Variants in GGT7 observed in about 807,000 individuals in gnomAD.
GGT7 encodes glutathione hydrolase 7.
GGT7 carries 30 observed loss-of-function variants against 69.2 expected under a neutral mutation model. That is an observed-to-expected ratio of 0.43 (90% CI 0.32 to 0.59). GGT7 has a LOEUF of 0.59. Ranked by LOEUF, GGT7 falls within the 20% of genes least tolerant of loss-of-function variation. The pLI is 0.05. For missense variants in GGT7, 733 were observed against 901.1 expected, an observed-to-expected ratio of 0.81 and a Z score of 2.39; for synonymous variants, 388 against 391.8, an observed-to-expected ratio of 0.99 and a Z score of 0.12.
chr20:34,859,039 G>A (rs2079538750), intron 7 of GGT7, among the ~76,000 whole-genome samples: 1 of 152,050 alleles, frequency 6.6e-6, no homozygotes, highest in East Asian at 1.9e-4. Context: ...GTGTGGTGGT[G>A]CACACCTGTA....
At chr20:34,858,416 A>G (rs559490272) in intron 7 of GGT7, among the ~76,000 whole-genome samples, 2 of 152,346 alleles carry the variant, frequency 1.3e-5, no homozygotes, top group Admixed American at 6.5e-5. Context: ...CGCCACATCC[A>G]GTGCCCAGCA....
chr20:34,845,393 T>C lies in GGT7; in HGVS notation c.1924A>G (p.Asn642Asp). 1 of 1,614,208 alleles carries C rather than the reference T, an allele frequency of 6.2e-7. No individual in the cohort carries two copies. The change falls in exon 15 of 15, where the codon AAC becomes GAC. Residue 642 changes from asparagine to aspartate, a missense_variant. By Grantham distance (23) the Asn-to-Asp change is conservative. Coordinates refer to ENST00000336431, the MANE Select transcript of GGT7 (RefSeq NM_178026.3). ...LSWVHGSRRT[N>D]NFIIAVKDPR... Reference sequence around the variant, plus strand: ...TCCTTAACAGCGATGATGAAGTTGTTGGTCCTTCGGCTGCCATGGACCCAG... The same window carrying C: ...TCCTTAACAGCGATGATGAAGTTGTCGGTCCTTCGGCTGCCATGGACCCAG...
Position 34,860,316 on chromosome 20 carries a change from C to T in GGT7, c.681G>A (p.Gly227=). 6.2e-7 allele frequency: 1 copy of T among 1,613,508 alleles called. No homozygotes were observed. Among genetic ancestry groups the T allele is most frequent in the Non-Finnish European group, 8.5e-7 (1 of 1,179,688 alleles). ...TLQRSWETKP[G]LLVGVPGMVK... ...CCATTCCGGGAACCCCCACCAAGAGCCCAGGCTGGGCAAGGCGGGTAGGCG... is the reference window on the plus strand; with the variant it reads ...CCATTCCGGGAACCCCCACCAAGAGTCCAGGCTGGGCAAGGCGGGTAGGCG... Residue 227 remains glycine, a synonymous_variant, in exon 5 of 15, where the codon GGG becomes GGA. Coordinates refer to ENST00000336431, the MANE Select transcript of GGT7 (RefSeq NM_178026.3).
At position 34,851,315 on chromosome 20, in the gene GGT7, C is replaced by G. The variant is rs1485618683; in HGVS notation, c.1641G>C (p.Val547=). 6.2e-7 allele frequency: 1 copy of G among 1,614,004 alleles called. No homozygotes were observed. Among genetic ancestry groups the G allele is most frequent in the African/African-American group, 1.3e-5 (1 of 75,082 alleles). The change falls in exon 13 of 15, where the codon GTG becomes GTC. Residue 547 remains valine (V), a synonymous_variant. Transcript: ENST00000336431. ...KRPLSFLLPT[V]VRPAEGLCGT... is the part of the protein sequence containing the mutation. Reference sequence around the variant, plus strand: ...CACAGAGCCCCTCCGCGGGTCGGACCACTGTGGGCAGCAGGAAAGAGAGTG... The same window carrying G: ...CACAGAGCCCCTCCGCGGGTCGGACGACTGTGGGCAGCAGGAAAGAGAGTG...
chr20:34,862,255 C>T (rs1423995612), intron 3 of GGT7, among the ~76,000 whole-genome samples: 4 of 152,162 alleles, frequency 2.6e-5, no homozygotes, highest in South Asian at 2.1e-4. Context: ...AAGTTGTTAT[C>T]GGATTTCCCG....
Position 34,863,285 on chromosome 20 carries a change from C to A in GGT7, c.405+28G>T. On this transcript the variant is annotated intron_variant, in intron 2 of 14. Coordinates refer to ENST00000336431, the MANE Select transcript of GGT7 (RefSeq NM_178026.3). This position sits in a 1 kb window ranked among gnomAD's most constrained non-coding sequence, Gnocchi z 4.4. The stretch of plus-strand genomic sequence containing the variant: ...TACCCCACTCCCCACTCCCCAGTTT[C>A]CTCCCCCTCCCCATTTGTCCCCCTC... 5 of 1,478,488 alleles carry A rather than the reference C, an allele frequency of 3.4e-6. No homozygotes were observed. Among genetic ancestry groups the A allele is most frequent in the Non-Finnish European group, 3.8e-6 (4 of 1,063,956 alleles). The allele number at this position is 1,478,488 out of a possible 1,614,324, so 91.6% of individuals were successfully genotyped here.
At chr20:34,861,743 C>A (rs1159124463) in intron 3 of GGT7, among the ~76,000 whole-genome samples, 181 bp from the exon 4 acceptor site, 1 of 152,134 alleles carries the variant, frequency 6.6e-6, no homozygotes, top group African/African-American at 2.4e-5. Context: ...AGGATGGGAG[C>A]AAAACCAAGA....
intron 14 of GGT7, among the ~76,000 whole-genome samples, chr20:34,848,969 G>C (rs1363913801): frequency 6.6e-6 from 1 of 152,124 alleles, no homozygotes; most frequent in Non-Finnish European, 1.5e-5. Context: ...TTAGAGGAAA[G>C]TCCGTCTCCT....
rs372009880 is a variant in GGT7, at chr20:34,859,675, C to T, written c.818-36G>A. The T allele has an allele frequency of 7.5e-5, 113 of 1,514,212 alleles. No individual in the cohort carries two copies. The South Asian group carries it at 7.7e-4, about 10-fold the overall frequency. The allele number at this position is 1,514,212 out of a possible 1,614,324, so 93.8% of individuals were successfully genotyped here. ...GGACGGGAGGCTGGGCAGGGCGGGA[C>T]GCCAGGACTGGACCGGATGAGACGC... On this transcript the variant is annotated intron_variant, in intron 6 of 14. Transcript: ENST00000336431.
In GGT7 at chr20:34,845,112, TCACCACCACCAC is replaced by T. The variant is rs79530197; in HGVS notation, c.*204_*215del. On this transcript the variant is annotated 3_prime_UTR_variant, in exon 15 of 15. Transcript: ENST00000336431. The stretch of plus-strand genomic sequence containing the variant: ...CTGGCTGTACTGTAGATGCTGACAC[TCACCACCACCAC>T]CACCACCACCACCACCACCACCACC... 9.2e-3 allele frequency: 3,579 copies of T among 389,956 alleles called. 162 individuals are homozygous for T. Among genetic ancestry groups the T allele is most frequent in the African/African-American group, 0.071 (3,127 of 44,046 alleles). 24.2% of individuals were successfully genotyped at this position (389,956 alleles called of 1,614,324 possible). A position where few individuals can be genotyped will look rare whatever the true frequency, so the allele number is the denominator to read the frequency against.
chr20:34,845,124 C>A lies in GGT7; in HGVS notation c.*204G>T, dbSNP rs1006893681. On this transcript the variant is annotated 3_prime_UTR_variant, in exon 15 of 15. Transcript: ENST00000336431. ...TAGATGCTGACACTCACCACCACCA[C>A]CACCACCACCACCACCACCACCACC... The A allele has an allele frequency of 1.6e-5, 7 of 433,344 alleles. No individual in the cohort carries two copies. Among genetic ancestry groups the A allele is most frequent in the Non-Finnish European group, 8.4e-6 (2 of 237,534 alleles). 26.8% of individuals were successfully genotyped at this position (433,344 alleles called of 1,614,324 possible). A position where few individuals can be genotyped will look rare whatever the true frequency, so the allele number is the denominator to read the frequency against.
intron 3 of GGT7, 54 bp from the exon 4 acceptor site, chr20:34,861,616 A>G: frequency 9.3e-7 from 1 of 1,079,280 alleles, no homozygotes; most frequent in Non-Finnish European, 1.3e-6. Flanking sequence ...CCCTCTGTAC[A>G]ATGAATCTGC....
At chr20:34,858,181 C>T (rs184294757) in intron 7 of GGT7, among the ~76,000 whole-genome samples, 1 of 152,274 alleles carries the variant, frequency 6.6e-6, no homozygotes, top group East Asian at 1.9e-4. Flanking sequence ...AGGAAAAATG[C>T]TCTTTCTCTG....
chr20:34,844,888 T>A lies in GGT7; in HGVS notation c.*440A>T. ...CTATGATGGTCCATTAAAAAATTCC[T>A]AGTCATTTAAGAAATGAGGCTGGGA... On this transcript the variant is annotated 3_prime_UTR_variant, in exon 15 of 15. Transcript: ENST00000336431. 1 of 158,048 alleles carries A rather than the reference T, an allele frequency of 6.3e-6. No individual in the cohort carries two copies. The highest frequency in any genetic ancestry group is 1.4e-5 in the Non-Finnish European group (1 of 72,254). The allele number at this position is 158,048 out of a possible 1,614,324, so 9.8% of individuals were successfully genotyped here. A position where few individuals can be genotyped will look rare whatever the true frequency, so the allele number is the denominator to read the frequency against.
intron 13 of GGT7, chr20:34,850,849 T>C (rs1374125470): frequency 1.8e-6 from 1 of 552,486 alleles, no homozygotes; most frequent in Non-Finnish European, 3.5e-6. Flanking sequence ...CATTCTGAGG[T>C]GTTCTGGAGA....
intron 14 of GGT7, among the ~76,000 whole-genome samples, chr20:34,846,588 G>A (rs1213196221): frequency 6.6e-6 from 1 of 152,086 alleles, no homozygotes; most frequent in Non-Finnish European, 1.5e-5. Flanking sequence ...AGGATTACAG[G>A]CGTGAGCCAC....
rs2079634513 is a variant in GGT7, at chr20:34,863,466, C to A, written c.252G>T (p.Pro84=). Residue 84 remains proline, a synonymous_variant, in exon 2 of 15, where the codon CCG becomes CCT. Coordinates refer to ENST00000336431, the MANE Select transcript of GGT7 (RefSeq NM_178026.3). This position sits in a 1 kb window ranked among gnomAD's most constrained non-coding sequence, Gnocchi z 4.4. ...SSEMGSQDGS[P]LRETRKDPFS... ...ACGGGTCTTTGCGCGTCTCGCGTAG[C>A]GGCGACCCGTCTTGGCTGCCCATCT... is the stretch of plus-strand genomic sequence containing the variant. 4 of 1,610,614 alleles carry A rather than the reference C, an allele frequency of 2.5e-6. No homozygotes were observed. The highest frequency in any genetic ancestry group is 1.3e-5 in the African/African-American group (1 of 75,008).
Position 34,861,446 on chromosome 20 carries a change from T to G in GGT7, c.674A>C (p.Lys225Thr), listed in dbSNP as rs2079594072. ...EETLQRSWETKPGLLVGVPGM... is the reference protein window; with the variant it reads ...EETLQRSWETTPGLLVGVPGM... ...CTCTCTTCTCACCAGGGTCCCCACCTTGGTCTCCCAGGATCTTTGCAGGGT... is the reference window on the plus strand; with the variant it reads ...CTCTCTTCTCACCAGGGTCCCCACCGTGGTCTCCCAGGATCTTTGCAGGGT... The change falls in exon 4 of 15, where the codon AAG (lysine) becomes ACG (threonine). Residue 225 changes from lysine (K) to threonine (T), a missense_variant and splice_region_variant. By Grantham distance (78) the Lys-to-Thr change is moderately conservative. Coordinates refer to ENST00000336431, the MANE Select transcript of GGT7 (RefSeq NM_178026.3). The G allele has an allele frequency of 6.6e-7, 1 of 1,517,026 alleles. No individual in the cohort carries two copies. Among genetic ancestry groups the G allele is most frequent in the Non-Finnish European group, 9.0e-7 (1 of 1,107,362 alleles). The allele number at this position is 1,517,026 out of a possible 1,614,324, so 94.0% of individuals were successfully genotyped here. A position where few individuals can be genotyped will look rare whatever the true frequency, so the allele number is the denominator to read the frequency against.
intron 8 of GGT7, among the ~76,000 whole-genome samples, chr20:34,855,328 C>T (rs2079472570): frequency 6.6e-6 from 1 of 152,208 alleles, no homozygotes; most frequent in Non-Finnish European, 1.5e-5. Flanking sequence ...ATGGTCTCAT[C>T]CAGCCCCAAA....
Sources: allele counts gnomAD v4.1 joint callset (sites outside exome capture counted in the v4.1 genomes callset), GRCh38; gene constraint gnomAD v4.1.1; non-coding constraint Gnocchi (gnomAD v3.1); transcripts MANE v1.5; gene names NCBI Gene and HGNC (gene_info 2026-07-23, HGNC 2026-07-21).